The following CDH13 variants were observed in gnomAD, a reference collection of about 807,000 sequenced individuals.
CDH13 encodes the protein cadherin 13, also known as cadherin-13.
Under a neutral mutation model 63.8 loss-of-function variants are expected in CDH13, and 24 were observed. The ratio of observed to expected loss-of-function variants is 0.38; its 90% CI spans 0.27 to 0.53. The LOEUF (loss-of-function observed/expected upper bound fraction) is 0.53, where lower values mean the gene tolerates loss of function less well. Among genes scored for constraint, CDH13 ranks in the 20% least tolerant of loss-of-function variants. The pLI is 0.85. For missense variants in CDH13, 1,049 were observed against 903.1 expected (o/e 1.16, Z -2.07); for synonymous variants, 503 against 355.3 (o/e 1.42, Z -4.67).
chr16:83,345,587 C>T (rs532153202), intron 6 of CDH13, among the ~76,000 whole-genome samples: 14 of 152,268 alleles, frequency 9.2e-5, no homozygotes, highest in South Asian at 8.3e-4. Flanking sequence ...ATAGAGCTCC[C>T]GCTGTCTTTT....
chr16:83,624,310 A>C (rs901661997), intron 8 of CDH13, among the ~76,000 whole-genome samples: 1 of 150,574 alleles, frequency 6.6e-6, no homozygotes, highest in African/African-American at 2.4e-5. Context: ...CAGACCGGGC[A>C]TTGATTCCCA....
intron 6 of CDH13, chr16:83,383,211 A>G (rs1323118899): frequency 6.6e-6 from 1 of 152,100 alleles, no homozygotes; most frequent in East Asian, 1.9e-4. Context: ...CTGGGGAGAA[A>G]AACCACAGAA....
chr16:82,771,205 G>C (rs2035249096), intron 1 of CDH13, among the ~76,000 whole-genome samples: 1 of 152,066 alleles, frequency 6.6e-6, no homozygotes, highest in East Asian at 1.9e-4. Context: ...CTTCCTTTGT[G>C]TTCATTCACT....
intron 8 of CDH13, among the ~76,000 whole-genome samples, chr16:83,661,276 C>G (rs1203448530): frequency 1.3e-5 from 2 of 152,100 alleles, no homozygotes; most frequent in African/African-American, 4.8e-5. Flanking sequence ...CACTTGAGCC[C>G]AGGCATTCGA....
chr16:83,372,859 C>T (rs978157338), intron 6 of CDH13, among the ~76,000 whole-genome samples: 6 of 151,558 alleles, frequency 4.0e-5, no homozygotes, highest in African/African-American at 1.2e-4. Flanking sequence ...CAAGTGATGG[C>T]GTTAAACTGT....
At chr16:82,813,662 C>T (rs1368485230) in intron 1 of CDH13, among the ~76,000 whole-genome samples, 1 of 152,100 alleles carries the variant, frequency 6.6e-6, no homozygotes, top group Non-Finnish European at 1.5e-5. Context: ...CTTTGCATGT[C>T]TCTCTCTATT....
chr16:83,267,410 C>T (rs1907755447), intron 5 of CDH13, among the ~76,000 whole-genome samples: 1 of 152,076 alleles, frequency 6.6e-6, no homozygotes, highest in African/African-American at 2.4e-5. Flanking sequence ...GGCACATCGG[C>T]TTATAGGAGA....
intron 11 of CDH13, among the ~76,000 whole-genome samples, chr16:83,771,979 G>A (rs1462634058): frequency 1.3e-5 from 2 of 152,154 alleles, no homozygotes; most frequent in African/African-American, 2.4e-5. Flanking sequence ...CAAGAGAAAA[G>A]AGATTCCTGC....
At chr16:83,399,474 T>C (rs766807014) in intron 6 of CDH13, among the ~76,000 whole-genome samples, 23 of 152,184 alleles carry the variant, frequency 1.5e-4, no homozygotes, top group Non-Finnish European at 1.9e-4. Flanking sequence ...AGATGGCCTT[T>C]CTCAAATGTG....
intron 6 of CDH13, among the ~76,000 whole-genome samples, chr16:83,410,301 T>C (rs183173069): frequency 6.6e-6 from 1 of 152,366 alleles, no homozygotes; most frequent in African/African-American, 2.4e-5. Context: ...GGTATTTATT[T>C]ATTGCTTTTA....
chr16:82,916,971 A>G (rs2042009195), intron 2 of CDH13, among the ~76,000 whole-genome samples: 1 of 152,220 alleles, frequency 6.6e-6, no homozygotes, highest in African/African-American at 2.4e-5. Flanking sequence ...CAGAGCTAGG[A>G]TATTCCCGCA....
intron 6 of CDH13, among the ~76,000 whole-genome samples, chr16:83,394,711 C>T (rs183152306): frequency 1.1e-3 from 168 of 152,270 alleles, no homozygotes; most frequent in Admixed American, 3.9e-3. Context: ...GCAAGGCAGC[C>T]ATTGAGGAGG....
Position 83,683,081 on chromosome 16 carries a change from T to C in CDH13, c.1538+4620T>C, listed in dbSNP as rs376120755. ...ACCCTTTCATCTCCCCAGGGAATGCTCAAGTCAGCAAAGGGCGCCTTGATC... is the reference window on the plus strand; with the variant it reads ...ACCCTTTCATCTCCCCAGGGAATGCCCAAGTCAGCAAAGGGCGCCTTGATC... On this transcript the variant is annotated intron_variant, in intron 10 of 13. Coordinates refer to ENST00000567109, the MANE Select transcript of CDH13 (RefSeq NM_001257.5). 1.8e-4 allele frequency among the ~76,000 whole-genome samples: 27 copies of C among 152,156 alleles called. 1 individual carries two copies. The highest frequency in any genetic ancestry group is 5.3e-4 in the African/African-American group (22 of 41,436).
chr16:83,142,154 GTTTTTGTTTTT>G (rs1203723838), intron 4 of CDH13, among the ~76,000 whole-genome samples: 47 of 113,644 alleles, frequency 4.1e-4, no homozygotes, highest in African/African-American at 1.5e-3. Flanking sequence ...TTGTTTGTTT[GTTTTTGTTTTT>G]TTTTTTTTTT....
At chr16:83,534,479 A>T (rs7203325) in intron 7 of CDH13, among the ~76,000 whole-genome samples, 58,988 of 152,162 alleles carry the variant, frequency 0.39, 12,527 homozygotes, top group Non-Finnish European at 0.47. Context: ...TAAGCCATCA[A>T]ATGTTACAAC....
chr16:83,293,409 C>G (rs1125244), intron 5 of CDH13, among the ~76,000 whole-genome samples: 1 of 151,890 alleles, frequency 6.6e-6, no homozygotes, highest in Non-Finnish European at 1.5e-5. Context: ...GCCTTGCCAC[C>G]GGAAGAAAAT....
chr16:83,124,730 T>C (rs575758274), intron 3 of CDH13, among the ~76,000 whole-genome samples: 2 of 152,306 alleles, frequency 1.3e-5, no homozygotes, highest in East Asian at 3.9e-4. Context: ...AGGTATATGA[T>C]TATCCAATTT....
At position 83,146,352 on chromosome 16, in the gene CDH13, G is replaced by C. The variant is rs79039266; in HGVS notation, c.483+20851G>C. ...ACTCCATCACCATGGCTTATGCCATGTAGGGGTTTGTCTGTCTCACATAGC... is the reference window on the plus strand; with the variant it reads ...ACTCCATCACCATGGCTTATGCCATCTAGGGGTTTGTCTGTCTCACATAGC... On this transcript the variant is annotated intron_variant, in intron 4 of 13. Coordinates refer to ENST00000567109, the MANE Select transcript of CDH13 (RefSeq NM_001257.5). Among the ~76,000 whole-genome samples the C allele has an allele frequency of 7.9e-3, 1,206 of 152,360 alleles. 20 individuals are homozygous for C. Among genetic ancestry groups the C allele is most frequent in the African/African-American group, 0.028 (1,163 of 41,590 alleles).
intron 1 of CDH13, among the ~76,000 whole-genome samples, chr16:82,675,756 A>T (rs1365760567): frequency 6.6e-6 from 1 of 152,156 alleles, no homozygotes; most frequent in South Asian, 2.1e-4. Context: ...ATTTTTCTAT[A>T]TATCCAGTCC....
Sources: gnomAD v4.1 joint callset for allele counts (sites outside exome capture counted in the v4.1 genomes callset) on GRCh38, gnomAD v4.1.1 for gene constraint, MANE v1.5 for transcripts, NCBI Gene and HGNC (gene_info 2026-07-23, HGNC 2026-07-21) for gene names.